The following EPB41L1 variants were observed in gnomAD, a reference collection of about 807,000 sequenced individuals.
The protein encoded by EPB41L1 is erythrocyte membrane protein band 4.1 like 1.
Under a neutral mutation model 97.8 loss-of-function variants are expected in EPB41L1, and 29 were observed. The ratio of observed to expected loss-of-function variants is 0.30; its 90% CI spans 0.22 to 0.40. EPB41L1 has a LOEUF of 0.40. EPB41L1 is among the 10% of genes least tolerant of loss of function. The pLI, the probability that EPB41L1 is intolerant of heterozygous loss-of-function variation, is 1.00. For missense variants in EPB41L1, 812 were observed against 1,162.3 expected, an observed-to-expected ratio of 0.70 and a Z score of 4.38; for synonymous variants, 383 against 459.2, an observed-to-expected ratio of 0.83 and a Z score of 2.12.
At chr20:36,137,642 A>G (rs916947222) in intron 2 of EPB41L1, among the ~76,000 whole-genome samples, 3 of 152,136 alleles carry the variant, frequency 2.0e-5, no homozygotes, top group Admixed American at 2.0e-4. Flanking sequence ...CTTCTGCCTC[A>G]GCCTCCTGAG....
Position 36,206,173 on chromosome 20 carries a change from T to C in EPB41L1, c.1669-3315T>C, listed in dbSNP as rs2062788233. 1 of 1,289,812 alleles carries C rather than the reference T, an allele frequency of 7.8e-7. No individual in the cohort carries two copies. Among genetic ancestry groups the C allele is most frequent in the Non-Finnish European group, 1.0e-6 (1 of 988,856 alleles). 79.9% of individuals were successfully genotyped at this position (1,289,812 alleles called of 1,614,324 possible). ...GGCTGCCCTGGCTTCCGGCCGCACA[T>C]TGGCAGAAAAGCTCCTCGAGGGCTC... is the stretch of plus-strand genomic sequence containing the variant. On this transcript the variant is annotated intron_variant, in intron 14 of 21. Coordinates refer to ENST00000338074, the MANE Select transcript of EPB41L1 (RefSeq NM_012156.2). This position sits in a 1 kb window ranked among gnomAD's most constrained non-coding sequence, Gnocchi z 5.5.
intron 17 of EPB41L1, among the ~76,000 whole-genome samples, 166 bp from the exon 18 acceptor site, chr20:36,218,710 G>A (rs2063587661): frequency 6.6e-6 from 1 of 152,248 alleles, no homozygotes; most frequent in African/African-American, 2.4e-5. Context: ...GTGTGCCTGA[G>A]TGAGCAAGGG....
At chr20:36,192,807 G>A (rs180672552) in intron 11 of EPB41L1, among the ~76,000 whole-genome samples, 1 of 152,148 alleles carries the variant, frequency 6.6e-6, no homozygotes, top group South Asian at 2.1e-4. Context: ...ATGTAGAGTA[G>A]CCATGAGGAG....
chr20:36,175,448 G>A (rs1453938628), intron 2 of EPB41L1, 103 bp from the exon 3 acceptor site: 43 of 1,380,658 alleles, frequency 3.1e-5, no homozygotes, highest in Non-Finnish European at 4.4e-5. Context: ...TTTCATTCTG[G>A]GGTCTGTCTT....
At chr20:36,094,416 T>C (rs1459773591) in intron 1 of EPB41L1, among the ~76,000 whole-genome samples, 1 of 152,020 alleles carries the variant, frequency 6.6e-6, no homozygotes, top group Non-Finnish European at 1.5e-5. Flanking sequence ...GAAATGTAGG[T>C]AGGTTGGATT....
intron 2 of EPB41L1, among the ~76,000 whole-genome samples, chr20:36,133,247 C>T (rs551199304): frequency 1.3e-5 from 2 of 152,358 alleles, no homozygotes; most frequent in Admixed American, 1.3e-4. Flanking sequence ...ATCCAACTAC[C>T]CTTTGGTATT....
intron 1 of EPB41L1, chr20:36,110,622 T>TACACACACACACACACACACAC (rs11473679): frequency 2.2e-5 from 3 of 138,778 alleles, no homozygotes; most frequent in Non-Finnish European, 4.6e-5. Flanking sequence ...CAGTTTGCTT[T>TACACACACACACACACACACAC]ACACACACAC....
chr20:36,108,481 C>T (rs1158844303), intron 1 of EPB41L1, among the ~76,000 whole-genome samples: 1 of 38,180 alleles, frequency 2.6e-5, no homozygotes, highest in Non-Finnish European at 4.8e-5. Context: ...TCGAGACCAG[C>T]CTGGGCAACA....
intron 1 of EPB41L1, among the ~76,000 whole-genome samples, chr20:36,108,248 G>A (rs999473156): frequency 3.3e-5 from 5 of 151,854 alleles, no homozygotes; most frequent in African/African-American, 7.3e-5. Context: ...CCAAAGTGTG[G>A]GGATTACAGG....
At chr20:36,154,626 G>T, upstream of EPB41L1, 2 of 947,912 alleles carry the variant, frequency 2.1e-6, no homozygotes, top group Non-Finnish European at 2.5e-6. This position sits in a 1 kb window ranked among gnomAD's most constrained non-coding sequence, Gnocchi z 5.5. Context: ...GCTGGGCTCC[G>T]AGGCCGGGGC....
chr20:36,139,726 A>C (rs6142518), intron 2 of EPB41L1, among the ~76,000 whole-genome samples: 1,531 of 149,994 alleles, frequency 0.01, 18 homozygotes, highest in African/African-American at 0.029. Flanking sequence ...CTTTCTTCTT[A>C]TTATTATTTA....
Position 36,195,981 on chromosome 20 carries a change from TCTC to T in EPB41L1, c.1485+623_1485+625del, listed in dbSNP as rs946512902. On this transcript the variant is annotated intron_variant, in intron 13 of 21. Coordinates refer to ENST00000338074, the MANE Select transcript of EPB41L1 (RefSeq NM_012156.2). The surrounding 1 kb of genome is among the most constrained non-coding windows in gnomAD (Gnocchi z 4.6). ...CGCTATGGCAAAAACCTCCTCCTTT[TCTC>T]CTCCTTTCCTCGTCTTCTTCCCATT... is the stretch of plus-strand genomic sequence containing the variant. Among the ~76,000 whole-genome samples, 7 of 152,166 alleles carry T rather than the reference TCTC, an allele frequency of 4.6e-5. No homozygotes were observed. Among genetic ancestry groups the T allele is most frequent in the Non-Finnish European group, 8.8e-5 (6 of 68,022 alleles).
Position 36,229,328 on chromosome 20 carries a change from C to T in EPB41L1, c.2638-4C>T, listed in dbSNP as rs202160247. The stretch of plus-strand genomic sequence containing the variant: ...CCATTCTACCCCATGCCTCTGGCTT[C>T]CAGGAATCCTGACCTCTGTGAAGAG... On this transcript the variant is annotated splice_region_variant and splice_polypyrimidine_tract_variant and intron_variant, in intron 21 of 21. Transcript: ENST00000338074. The T allele has an allele frequency of 3.7e-4, 559 of 1,507,832 alleles. No homozygotes were observed. Among genetic ancestry groups the T allele is most frequent in the Non-Finnish European group, 4.8e-4 (534 of 1,113,016 alleles). The allele number at this position is 1,507,832 out of a possible 1,614,324, so 93.4% of individuals were successfully genotyped here. A position where few individuals can be genotyped will look rare whatever the true frequency, so the allele number is the denominator to read the frequency against.
chr20:36,209,385 C>G lies in EPB41L1; in HGVS notation c.1669-103C>G. ...TGGCCTGCTCTTCCATTCAGGATGT[C>G]GACACAGCCCCGAGATTTCTCCTGA... On this transcript the variant is annotated intron_variant, in intron 14 of 21. Coordinates refer to ENST00000338074, the MANE Select transcript of EPB41L1 (RefSeq NM_012156.2). The surrounding 1 kb of genome is among the most constrained non-coding windows in gnomAD (Gnocchi z 4.2). 7.9e-7 allele frequency: 1 copy of G among 1,263,042 alleles called. No individual in the cohort carries two copies. The highest frequency in any genetic ancestry group is 2.1e-4 in the Middle Eastern group (1 of 4,866). The allele number at this position is 1,263,042 out of a possible 1,614,324, so 78.2% of individuals were successfully genotyped here.
intron 14 of EPB41L1, among the ~76,000 whole-genome samples, chr20:36,204,471 CTTTTTTTTTTT>C (rs765673962): frequency 3.3e-5 from 3 of 90,602 alleles, no homozygotes; most frequent in East Asian, 5.6e-4. Flanking sequence ...CGATCTGGTG[CTTTTTTTTTTT>C]TTTTTTTTTT....
At chr20:36,225,107 C>T (rs1483435431) in intron 21 of EPB41L1, among the ~76,000 whole-genome samples, 2 of 152,230 alleles carry the variant, frequency 1.3e-5, no homozygotes, top group East Asian at 1.9e-4. Context: ...CAGGTGTGAG[C>T]CACTGCACCT....
At chr20:36,170,989 G>A (rs1302841863) in intron 1 of EPB41L1, among the ~76,000 whole-genome samples, 1 of 152,102 alleles carries the variant, frequency 6.6e-6, no homozygotes, top group East Asian at 1.9e-4. Flanking sequence ...TCAGGCCCAG[G>A]AAAAGTTCCG....
intron 6 of EPB41L1, among the ~76,000 whole-genome samples, chr20:36,184,766 A>G (rs1170586042): frequency 6.6e-6 from 1 of 152,268 alleles, no homozygotes; most frequent in Non-Finnish European, 1.5e-5. Flanking sequence ...TTTTTCCACA[A>G]CATGAATACA....
chr20:36,185,109 A>C lies in EPB41L1; in HGVS notation c.567-8A>C. On this transcript the variant is annotated splice_region_variant and splice_polypyrimidine_tract_variant and intron_variant, in intron 6 of 21. Transcript: ENST00000338074. ...CCTGTGCCCATGCTGGCTCTCCCCT[A>C]TCTCCAGATACTACCTGTGCCTGCA... 6.2e-7 allele frequency: 1 copy of C among 1,612,074 alleles called. No homozygotes were observed. The highest frequency in any genetic ancestry group is 1.3e-5 in the African/African-American group (1 of 74,970).
Sources: allele counts gnomAD v4.1 joint callset (sites outside exome capture counted in the v4.1 genomes callset), GRCh38; gene constraint gnomAD v4.1.1; non-coding constraint Gnocchi (gnomAD v3.1); transcripts MANE v1.5; gene names NCBI Gene and HGNC (gene_info 2026-07-23, HGNC 2026-07-21).